The following HSPBAP1 variants were observed in gnomAD, a reference collection of about 807,000 sequenced individuals.
HSPBAP1 encodes the protein HSPB1-associated protein 1.
Under a neutral mutation model 45.2 loss-of-function variants are expected in HSPBAP1, and 27 were observed. The ratio of observed to expected loss-of-function variants is 0.60; its 90% confidence interval spans 0.44 to 0.82. The LOEUF (loss-of-function observed/expected upper bound fraction) is 0.82, where lower values mean the gene tolerates loss of function less well. Among genes scored for constraint, HSPBAP1 ranks in the 40% least tolerant of loss-of-function variants. HSPBAP1 has a pLI of 0.00. For synonymous variants in HSPBAP1, 204 were observed against 202.7 expected, an observed-to-expected ratio of 1.01 and a Z score of -0.06; for missense variants, 510 against 590.9, an observed-to-expected ratio of 0.86 and a Z score of 1.42.
At chr3:122,785,916 T>TGC (rs1311575598) in intron 1 of HSPBAP1, among the ~76,000 whole-genome samples, 3 of 151,866 alleles carry the variant, frequency 2.0e-5, no homozygotes, top group Non-Finnish European at 4.4e-5. Context: ...TGTGTGTGTG[T>TGC]GCACGCGCGC....
intron 1 of HSPBAP1, among the ~76,000 whole-genome samples, chr3:122,791,609 T>C (rs1339273177): frequency 1.3e-5 from 2 of 152,248 alleles, no homozygotes; most frequent in Non-Finnish European, 2.9e-5. Context: ...GGATGCTGTA[T>C]TCCAGAACAT....
intron 1 of HSPBAP1, among the ~76,000 whole-genome samples, chr3:122,790,364 T>C (rs774052758): frequency 3.2e-4 from 49 of 152,226 alleles, no homozygotes; most frequent in African/African-American, 1.2e-3. Flanking sequence ...ATTTCTACTT[T>C]AGTAGAATTG....
chr3:122,767,593 T>C (rs530295715), intron 3 of HSPBAP1, among the ~76,000 whole-genome samples: 1 of 151,694 alleles, frequency 6.6e-6, no homozygotes, highest in South Asian at 2.1e-4. Flanking sequence ...AAAAAACAAC[T>C]ATGGGGCAAG....
intron 6 of HSPBAP1, among the ~76,000 whole-genome samples, chr3:122,746,406 C>G (rs1180130290): frequency 1.3e-5 from 2 of 150,034 alleles, no homozygotes. Context: ...ATGGTCAGTC[C>G]TACTGATGTT....
At chr3:122,748,330 A>G (rs1933997637) in intron 6 of HSPBAP1, among the ~76,000 whole-genome samples, 2 of 151,864 alleles carry the variant, frequency 1.3e-5, no homozygotes, top group South Asian at 2.1e-4. Flanking sequence ...CTATTGTCCT[A>G]TGACCCTGCC....
intron 4 of HSPBAP1, among the ~76,000 whole-genome samples, chr3:122,755,682 C>A (rs1253722129): frequency 6.6e-6 from 1 of 150,938 alleles, no homozygotes; most frequent in Non-Finnish European, 1.5e-5. Context: ...GAGGCAGCCT[C>A]TTACATTGCT....
chr3:122,787,131 A>C (rs16833518), intron 1 of HSPBAP1, among the ~76,000 whole-genome samples: 6,229 of 152,304 alleles, frequency 0.041, 423 homozygotes, highest in African/African-American at 0.14. Flanking sequence ...ACTGAAAAAA[A>C]ACAGATTAGT....
At chr3:122,753,182 CA>C (rs1210907577) in intron 5 of HSPBAP1, 5 of 147,600 alleles carry the variant, frequency 3.4e-5, no homozygotes, top group Non-Finnish European at 4.9e-5. Flanking sequence ...CTAGGGAGGT[CA>C]GGGGCAACAT....
chr3:122,758,914 A>AG, intron 4 of HSPBAP1: 1 of 371,048 alleles, frequency 2.7e-6, no homozygotes, highest in Non-Finnish European at 5.3e-6. Context: ...AAAAAAAAAA[A>AG]AAGACCAAGC....
At chr3:122,779,853 G>T (rs1438627465) in intron 1 of HSPBAP1, among the ~76,000 whole-genome samples, 2 of 151,978 alleles carry the variant, frequency 1.3e-5, no homozygotes, top group Non-Finnish European at 2.9e-5. Context: ...GGATACCAAG[G>T]CAGAAGAATT....
At chr3:122,747,265 C>T (rs1159167528) in intron 6 of HSPBAP1, among the ~76,000 whole-genome samples, 7 of 150,410 alleles carry the variant, frequency 4.7e-5, no homozygotes, top group South Asian at 4.2e-4. Context: ...TCTGCCCGGC[C>T]GCCCATCGTC....
intron 6 of HSPBAP1, among the ~76,000 whole-genome samples, chr3:122,741,959 C>A (rs1396743539): frequency 1.3e-5 from 2 of 151,940 alleles, no homozygotes; most frequent in Non-Finnish European, 1.5e-5. Flanking sequence ...ACATGGGTGG[C>A]ATTATCTCGT....
At chr3:122,752,764 A>C in intron 5 of HSPBAP1, 90 bp from the exon 6 acceptor site, 1 of 1,417,584 alleles carries the variant, frequency 7.1e-7, no homozygotes, top group Non-Finnish European at 9.4e-7. Flanking sequence ...GCTAGGAAAA[A>C]AAGGAATACA....
intron 3 of HSPBAP1, among the ~76,000 whole-genome samples, chr3:122,760,953 A>C (rs1448353731): frequency 6.6e-6 from 1 of 152,204 alleles, no homozygotes; most frequent in Non-Finnish European, 1.5e-5. Context: ...CTTCAAGTCT[A>C]ATAATGAGTG....
intron 2 of HSPBAP1, among the ~76,000 whole-genome samples, chr3:122,774,006 T>G (rs900530120): frequency 6.6e-6 from 1 of 152,220 alleles, no homozygotes; most frequent in African/African-American, 2.4e-5. Flanking sequence ...TCACATGTTC[T>G]GAAAAGAATG....
intron 2 of HSPBAP1, among the ~76,000 whole-genome samples, chr3:122,772,335 T>C (rs1935030424): frequency 6.6e-6 from 1 of 152,114 alleles, no homozygotes; most frequent in African/African-American, 2.4e-5. Context: ...AATTCAATAA[T>C]ATATAAGAAA....
At chr3:122,743,671 C>G (rs532743433) in intron 6 of HSPBAP1, among the ~76,000 whole-genome samples, 1 of 152,206 alleles carries the variant, frequency 6.6e-6, no homozygotes, top group East Asian at 1.9e-4. Context: ...AGTCAAGGTT[C>G]TCCAAAGAAA....
chr3:122,748,095 C>T (rs1933979873), intron 6 of HSPBAP1, among the ~76,000 whole-genome samples: 1 of 152,204 alleles, frequency 6.6e-6, no homozygotes, highest in Admixed American at 6.5e-5. Context: ...CAACCCTGTG[C>T]TCTCTGAAAC....
At chr3:122,779,551 G>C (rs141510041) in intron 1 of HSPBAP1, among the ~76,000 whole-genome samples, 1 of 140,908 alleles carries the variant, frequency 7.1e-6, no homozygotes, top group Non-Finnish European at 1.6e-5. Context: ...GGTGTTTCTC[G>C]CAGAGGGGGA....
Sources: allele counts gnomAD v4.1 joint callset (sites outside exome capture counted in the v4.1 genomes callset), GRCh38; gene constraint gnomAD v4.1.1; transcripts MANE v1.5; gene names NCBI Gene and HGNC (gene_info 2026-07-23, HGNC 2026-07-21).